The following PDE10A variants were observed in gnomAD, a reference collection of about 807,000 sequenced individuals.
The protein encoded by PDE10A is phosphodiesterase 10A, also known as cAMP and cAMP-inhibited cGMP 3',5'-cyclic phosphodiesterase 10A.
In PDE10A, 39 loss-of-function variants were observed where a neutral mutation model predicts 97.7. That is an observed-to-expected ratio of 0.40 (90% confidence interval 0.31 to 0.52). The LOEUF (loss-of-function observed/expected upper bound fraction) is 0.52. Among genes scored for constraint, PDE10A ranks in the 20% least tolerant of loss-of-function variants. The pLI, the probability that PDE10A is intolerant of heterozygous loss-of-function variation, is 0.56. For missense variants in PDE10A, 731 were observed against 1,047.8 expected (o/e 0.70, Z 4.17); for synonymous variants, 371 against 376.8 (o/e 0.98, Z 0.18).
intron 1 of PDE10A, among the ~76,000 whole-genome samples, chr6:165,730,929 C>A (rs953143796): frequency 6.6e-6 from 1 of 151,936 alleles, no homozygotes; most frequent in African/African-American, 2.4e-5. Flanking sequence ...CCCTGTAATC[C>A]CAGCTACTCC....
intron 1 of PDE10A, among the ~76,000 whole-genome samples, chr6:165,674,334 A>G (rs1409858138): frequency 1.3e-5 from 2 of 152,064 alleles, no homozygotes; most frequent in African/African-American, 4.8e-5. Flanking sequence ...GGAAAAGAAA[A>G]AAAAAAAAAG....
intron 1 of PDE10A, among the ~76,000 whole-genome samples, chr6:165,774,127 C>A (rs1261149094): frequency 3.3e-5 from 5 of 151,570 alleles, no homozygotes; most frequent in African/African-American, 4.8e-5. Flanking sequence ...CCTCTGAAAG[C>A]CAAATAGGAA....
At chr6:165,462,349 C>G (rs1282591102) in intron 3 of PDE10A, among the ~76,000 whole-genome samples, 1 of 152,220 alleles carries the variant, frequency 6.6e-6, no homozygotes, top group Non-Finnish European at 1.5e-5. Flanking sequence ...ATGTTATCAG[C>G]ACCTGAACAG....
intron 1 of PDE10A, among the ~76,000 whole-genome samples, chr6:165,758,486 GAGAAAGAAGAAAGA>G (rs201748235): frequency 2.9e-5 from 4 of 138,350 alleles, no homozygotes; most frequent in African/African-American, 5.4e-5. Flanking sequence ...AAGAAGAAAG[GAGAAAGAAGAAAGA>G]AGAAAGAAGA....
intron 1 of PDE10A, among the ~76,000 whole-genome samples, chr6:165,807,707 T>A (rs557868900): frequency 6.6e-6 from 1 of 152,142 alleles, no homozygotes; most frequent in Non-Finnish European, 1.5e-5. Context: ...AAATTCAGAT[T>A]CAAGCTGAAG....
At chr6:165,958,004 C>T (rs12203748) in intron 1 of PDE10A, among the ~76,000 whole-genome samples, 24,685 of 152,190 alleles carry the variant, frequency 0.16, 2,173 homozygotes, top group Non-Finnish European at 0.2. Flanking sequence ...CAAGCATGAT[C>T]GTAACGGTCT....
In PDE10A at chr6:165,758,510, A is replaced by AAAG. The variant is rs200476731; in HGVS notation, c.-614-214945_-614-214943dup. Among the ~76,000 whole-genome samples the AAAG allele has an allele frequency of 9.5e-3, 395 of 41,560 alleles. 2 individuals carry two copies. Among genetic ancestry groups the AAAG allele is most frequent in the African/African-American group, 0.017 (347 of 20,124 alleles). The allele number at this position is 41,560 out of a possible 152,430, so 27.3% of individuals were successfully genotyped here. A position where few individuals can be genotyped will look rare whatever the true frequency, so the allele number is the denominator to read the frequency against. ...GGAGAAAGAAGAAAGAAGAAAGAAGAAAGAAGAAGAAGAAGAAGAAGAGGA... is the reference window on the plus strand; with the variant it reads ...GGAGAAAGAAGAAAGAAGAAAGAAGAAAGAAGAAGAAGAAGAAGAAGAAGAGGA... On this transcript the variant is annotated intron_variant, in intron 1 of 19. Coordinates refer to the PDE10A transcript ENST00000366882.
chr6:165,477,783 A>G (rs1001762229), intron 3 of PDE10A, among the ~76,000 whole-genome samples: 5 of 152,244 alleles, frequency 3.3e-5, no homozygotes, highest in African/African-American at 1.2e-4. Context: ...ATAAGCTGAG[A>G]TGGATCAAAA....
chr6:165,386,774 G>A (rs750512979), intron 17 of PDE10A, among the ~76,000 whole-genome samples: 103 of 151,782 alleles, frequency 6.8e-4, no homozygotes, highest in African/African-American at 2.3e-3. Context: ...AGGCTGAGGC[G>A]GGCGGATCAC....
intron 1 of PDE10A, among the ~76,000 whole-genome samples, chr6:165,937,218 G>A (rs1783362321): frequency 2.0e-5 from 3 of 152,136 alleles, no homozygotes; most frequent in South Asian, 2.1e-4. Context: ...ATTGCCACTT[G>A]TCTAATCCTG....
intron 2 of PDE10A, among the ~76,000 whole-genome samples, chr6:165,530,110 T>G (rs899689232): frequency 1.1e-4 from 17 of 152,064 alleles, no homozygotes; most frequent in African/African-American, 4.1e-4. Context: ...GCCTACATCT[T>G]TCTCCCATGC....
At chr6:165,334,449 G>A (rs3799146) in intron 21 of PDE10A, among the ~76,000 whole-genome samples, 19,409 of 145,240 alleles carry the variant, frequency 0.13, 1,795 homozygotes, top group East Asian at 0.25. Flanking sequence ...CTACAGCGCC[G>A]GGCACACGCC....
chr6:165,407,409 A>G (rs1179611639), intron 13 of PDE10A, among the ~76,000 whole-genome samples: 2 of 152,170 alleles, frequency 1.3e-5, no homozygotes, highest in Admixed American at 6.5e-5. Context: ...CGTGGAGATA[A>G]TAATAACCAC....
At chr6:165,899,310 T>C (rs1343948887) in intron 1 of PDE10A, among the ~76,000 whole-genome samples, 1 of 152,200 alleles carries the variant, frequency 6.6e-6, no homozygotes, top group Non-Finnish European at 1.5e-5. Context: ...AAAGAAAAAC[T>C]GTTGAGATCA....
chr6:165,787,374 G>T (rs923674926), intron 1 of PDE10A, among the ~76,000 whole-genome samples: 1 of 152,174 alleles, frequency 6.6e-6, no homozygotes, highest in Non-Finnish European at 1.5e-5. Flanking sequence ...TACAGCCCGG[G>T]TGAGGGCCCG....
chr6:165,404,247 C>T (rs1439518662), intron 13 of PDE10A, among the ~76,000 whole-genome samples: 1 of 152,056 alleles, frequency 6.6e-6, no homozygotes, highest in Non-Finnish European at 1.5e-5. Flanking sequence ...TAGAGCAGTG[C>T]TGCAGCCGAC....
chr6:165,853,749 G>A (rs1780636889), intron 1 of PDE10A, among the ~76,000 whole-genome samples: 1 of 152,204 alleles, frequency 6.6e-6, no homozygotes, highest in Admixed American at 6.5e-5. Flanking sequence ...AACAATGAAT[G>A]TAACTCTGAT....
chr6:165,874,593 A>C (rs1781286159), intron 1 of PDE10A, among the ~76,000 whole-genome samples: 1 of 151,968 alleles, frequency 6.6e-6, no homozygotes, highest in Admixed American at 6.5e-5. Flanking sequence ...GCGTTACACA[A>C]ATAATGGTGC....
intron 1 of PDE10A, among the ~76,000 whole-genome samples, chr6:165,799,140 A>T (rs2128465140): frequency 6.6e-6 from 1 of 152,118 alleles, no homozygotes; most frequent in East Asian, 1.9e-4. Context: ...CAGCAACAAC[A>T]CTCCAAAGCT....
Sources: gnomAD v4.1 joint callset for allele counts (sites outside exome capture counted in the v4.1 genomes callset) on GRCh38, gnomAD v4.1.1 for gene constraint, MANE v1.5 for transcripts, NCBI Gene and HGNC (gene_info 2026-07-23, HGNC 2026-07-21) for gene names.